Variants in PTPRD observed in about 807,000 individuals in gnomAD.
PTPRD encodes protein tyrosine phosphatase receptor type D, also known as receptor-type tyrosine-protein phosphatase delta.
PTPRD carries 34 observed loss-of-function variants against 214.5 expected under a neutral mutation model. The ratio of observed to expected loss-of-function variants is 0.16; its 90% confidence interval spans 0.12 to 0.21. PTPRD has a LOEUF of 0.21. Among genes scored for constraint, PTPRD ranks in the 10% least tolerant of loss-of-function variants. PTPRD has a pLI of 1.00. For missense variants in PTPRD, 2,545 were observed against 2,398.7 expected (o/e 1.06, Z -1.27); for synonymous variants, 1,128 against 845.7 (o/e 1.33, Z -5.79).
At chr9:9,186,570 C>A (rs956016053) in intron 9 of PTPRD, among the ~76,000 whole-genome samples, 27 of 151,682 alleles carry the variant, frequency 1.8e-4, no homozygotes, top group Non-Finnish European at 3.1e-4. Context: ...GTAATGGTAC[C>A]ACCGCACTCC....
At chr9:10,499,034 C>CAA (rs543051835) in intron 2 of PTPRD, among the ~76,000 whole-genome samples, 2 of 796 alleles carry the variant, frequency 2.5e-3, no homozygotes, top group African/African-American at 2.7e-3. Flanking sequence ...GACTCCGTCT[C>CAA]AAAAAAAAAA....
At chr9:9,392,875 G>C (rs1031974305) in intron 9 of PTPRD, among the ~76,000 whole-genome samples, 1 of 152,072 alleles carries the variant, frequency 6.6e-6, no homozygotes, top group Non-Finnish European at 1.5e-5. Flanking sequence ...AGTAATTAGA[G>C]TCAGCCACAT....
chr9:10,553,323 A>T (rs1335114519), intron 2 of PTPRD, among the ~76,000 whole-genome samples: 1 of 151,658 alleles, frequency 6.6e-6, no homozygotes, highest in Non-Finnish European at 1.5e-5. Flanking sequence ...GTCAAGTCAT[A>T]GACTCATATG....
intron 2 of PTPRD, among the ~76,000 whole-genome samples, chr9:10,591,798 C>T (rs922135721): frequency 5.3e-5 from 8 of 152,170 alleles, no homozygotes; most frequent in Admixed American, 3.9e-4. Context: ...CTTTCTGTTG[C>T]TCATGCTTAT....
At chr9:9,044,233 T>C (rs1224034265) in intron 10 of PTPRD, among the ~76,000 whole-genome samples, 1 of 152,234 alleles carries the variant, frequency 6.6e-6, no homozygotes, top group African/African-American at 2.4e-5. Flanking sequence ...TAAGGCTAAA[T>C]ATCATCTGAA....
chr9:10,592,848 G>T (rs1277313515), intron 2 of PTPRD, among the ~76,000 whole-genome samples: 4 of 151,866 alleles, frequency 2.6e-5, no homozygotes, highest in Non-Finnish European at 4.4e-5. Flanking sequence ...GGACAGAAAC[G>T]GAACATGGGC....
At chr9:8,668,777 G>A (rs1024826665) in intron 12 of PTPRD, among the ~76,000 whole-genome samples, 12 of 152,142 alleles carry the variant, frequency 7.9e-5, no homozygotes, top group Non-Finnish European at 1.2e-4. Flanking sequence ...TTCCAAGAGG[G>A]ATTTTCTTAG....
At chr9:10,168,722 C>A (rs1449233736) in intron 3 of PTPRD, among the ~76,000 whole-genome samples, 2 of 152,116 alleles carry the variant, frequency 1.3e-5, no homozygotes, top group Admixed American at 6.5e-5. Flanking sequence ...TGACTAACTA[C>A]ATAAGTTTAA....
intron 2 of PTPRD, among the ~76,000 whole-genome samples, chr9:10,503,161 A>T (rs2044354479): frequency 1.4e-5 from 2 of 143,596 alleles, no homozygotes; most frequent in South Asian, 2.4e-4. Context: ...GAGAGTGAAC[A>T]GTGAAGAATT....
intron 11 of PTPRD, among the ~76,000 whole-genome samples, chr9:8,972,118 C>T (rs976879080): frequency 2.6e-5 from 4 of 151,750 alleles, no homozygotes; most frequent in Non-Finnish European, 5.9e-5. Flanking sequence ...ATAGCATTAC[C>T]TCACCCAATG....
At chr9:9,870,521 G>A (rs1304190325) in intron 5 of PTPRD, among the ~76,000 whole-genome samples, 3 of 151,768 alleles carry the variant, frequency 2.0e-5, no homozygotes, top group Non-Finnish European at 2.9e-5. Flanking sequence ...TGATTATAAT[G>A]TATTTCATTT....
intron 8 of PTPRD, among the ~76,000 whole-genome samples, chr9:9,450,712 G>A (rs1008992292): frequency 3.3e-5 from 5 of 150,402 alleles, no homozygotes; most frequent in Non-Finnish European, 7.4e-5. Flanking sequence ...AAAACTGTAT[G>A]AAGAAAAATT....
At chr9:10,550,696 G>A (rs1395194689) in intron 2 of PTPRD, among the ~76,000 whole-genome samples, 1 of 152,124 alleles carries the variant, frequency 6.6e-6, no homozygotes, top group Non-Finnish European at 1.5e-5. Flanking sequence ...AAAGCCTAAG[G>A]CAAAAAAGCA....
chr9:9,330,297 A>C (rs1271289047), intron 9 of PTPRD, among the ~76,000 whole-genome samples: 1 of 152,132 alleles, frequency 6.6e-6, no homozygotes, highest in Non-Finnish European at 1.5e-5. Flanking sequence ...TTTCCTTTAA[A>C]AAAAAGTTAA....
At position 8,353,967 on chromosome 9, in the gene PTPRD, T is replaced by TG. The variant is rs1176338126; in HGVS notation, c.4662-11990_4662-11989insC. Among the ~76,000 whole-genome samples, 144 of 143,654 alleles carry TG rather than the reference T, an allele frequency of 1.0e-3. 1 individual carries two copies. The highest frequency in any genetic ancestry group is 1.8e-3 in the Non-Finnish European group (119 of 65,746). The allele number at this position is 143,654 out of a possible 152,430, so 94.2% of individuals were successfully genotyped here. A position where few individuals can be genotyped will look rare whatever the true frequency, so the allele number is the denominator to read the frequency against. ...ATATATATATATATATATATATGTT[T>TG]TTTTTTTTTTGAGAAGGAGTCTCAC... On this transcript the variant is annotated intron_variant, in intron 39 of 45. Coordinates refer to ENST00000381196, the MANE Select transcript of PTPRD (RefSeq NM_002839.4).
At chr9:10,110,781 G>C (rs984195851) in intron 3 of PTPRD, among the ~76,000 whole-genome samples, 1 of 152,134 alleles carries the variant, frequency 6.6e-6, no homozygotes, top group Non-Finnish European at 1.5e-5. Context: ...AGAAAAAACA[G>C]TTAGAAAGGA....
chr9:10,323,416 A>G (rs551281346), intron 3 of PTPRD, among the ~76,000 whole-genome samples: 1 of 150,346 alleles, frequency 6.7e-6, no homozygotes, highest in African/African-American at 2.4e-5. Flanking sequence ...CATCTCAGCC[A>G]TCCAAGTAGC....
chr9:9,937,505 T>G (rs970330160), intron 5 of PTPRD, among the ~76,000 whole-genome samples: 3 of 151,946 alleles, frequency 2.0e-5, no homozygotes, highest in Non-Finnish European at 4.4e-5. Context: ...ATATTTGGGC[T>G]ATTTATGACT....
At chr9:8,460,172 G>C in intron 33 of PTPRD, 1 of 531,070 alleles carries the variant, frequency 1.9e-6, no homozygotes, top group Non-Finnish European at 3.3e-6. Flanking sequence ...CAGAAGATTG[G>C]AGGCCAGAAT....
Sources: gnomAD v4.1 joint callset for allele counts (sites outside exome capture counted in the v4.1 genomes callset) on GRCh38, gnomAD v4.1.1 for gene constraint, MANE v1.5 for transcripts, NCBI Gene and HGNC (gene_info 2026-07-23, HGNC 2026-07-21) for gene names.